The following KCND2 variants were observed in gnomAD, a reference collection of about 807,000 sequenced individuals.
KCND2 encodes potassium voltage-gated channel subfamily D member 2.
In KCND2, 16 loss-of-function variants were observed where a neutral mutation model predicts 54.4. The observed-to-expected ratio is 0.29, with a 90% CI of 0.20 to 0.45. The LOEUF is 0.45. Ranked by LOEUF, KCND2 falls within the 20% of genes least tolerant of loss-of-function variation. The pLI, the probability that KCND2 is intolerant of heterozygous loss-of-function variation, is 1.00. For synonymous variants in KCND2, 317 were observed against 310.7 expected, an observed-to-expected ratio of 1.02 and a Z score of -0.21; for missense variants, 486 against 824.2, an observed-to-expected ratio of 0.59 and a Z score of 5.02.
At chr7:120,451,814 C>G (rs572810942) in intron 1 of KCND2, among the ~76,000 whole-genome samples, 42 of 152,296 alleles carry the variant, frequency 2.8e-4, no homozygotes, top group Middle Eastern at 6.8e-3. Context: ...TCTTGATGTG[C>G]TATGCTCCAG....
intron 1 of KCND2, among the ~76,000 whole-genome samples, chr7:120,684,033 A>G (rs1372370718): frequency 6.6e-6 from 1 of 152,170 alleles, no homozygotes; most frequent in Non-Finnish European, 1.5e-5. Flanking sequence ...AATAGGGACC[A>G]TCTCCAAATA....
intron 1 of KCND2, among the ~76,000 whole-genome samples, chr7:120,588,427 G>GTGTC (rs1178190745): frequency 6.6e-6 from 1 of 151,658 alleles, no homozygotes; most frequent in Non-Finnish European, 1.5e-5. Context: ...GTGTGTGTGT[G>GTGTC]TGTGTGTGTG....
At chr7:120,677,534 T>C (rs1792079118) in intron 1 of KCND2, among the ~76,000 whole-genome samples, 1 of 138,766 alleles carries the variant, frequency 7.2e-6, no homozygotes, top group Admixed American at 7.1e-5. Context: ...TATATAGATA[T>C]AGATATAGAT....
At chr7:120,716,539 G>C (rs369740895) in intron 1 of KCND2, among the ~76,000 whole-genome samples, 2 of 152,058 alleles carry the variant, frequency 1.3e-5, no homozygotes. Context: ...ATAATGGCTG[G>C]CTCCTTTCAC....
chr7:120,361,546 G>A (rs183221707), intron 1 of KCND2, among the ~76,000 whole-genome samples: 22 of 152,146 alleles, frequency 1.4e-4, no homozygotes, highest in African/African-American at 4.6e-4. Flanking sequence ...TGAGGATGGA[G>A]AGTTGGGATT....
intron 1 of KCND2, among the ~76,000 whole-genome samples, chr7:120,319,948 A>G (rs1799870276): frequency 6.6e-6 from 1 of 152,046 alleles, no homozygotes; most frequent in Non-Finnish European, 1.5e-5. Flanking sequence ...TTAGCATTGA[A>G]TGGTAGAGAA....
At chr7:120,552,387 T>G (rs1045148545) in intron 1 of KCND2, among the ~76,000 whole-genome samples, 16 of 152,330 alleles carry the variant, frequency 1.1e-4, no homozygotes, top group African/African-American at 3.8e-4. Flanking sequence ...CTTTCTACCT[T>G]TCTAGTTTCT....
intron 1 of KCND2, among the ~76,000 whole-genome samples, chr7:120,547,617 C>A (rs944611020): frequency 4.6e-5 from 7 of 152,068 alleles, no homozygotes; most frequent in Non-Finnish European, 8.8e-5. Flanking sequence ...CACAGTCAGC[C>A]TGAGGATGTG....
intron 1 of KCND2, among the ~76,000 whole-genome samples, chr7:120,494,289 C>T (rs1293158267): frequency 6.6e-6 from 1 of 151,942 alleles, no homozygotes; most frequent in African/African-American, 2.4e-5. Flanking sequence ...TATCATGATG[C>T]CTTACACTTT....
intron 1 of KCND2, among the ~76,000 whole-genome samples, chr7:120,730,420 A>T (rs1410192114): frequency 6.6e-6 from 1 of 152,198 alleles, no homozygotes; most frequent in Non-Finnish European, 1.5e-5. Context: ...TCCCACTGAC[A>T]TACCTCTACA....
At chr7:120,618,485 G>A (rs981116041) in intron 1 of KCND2, among the ~76,000 whole-genome samples, 3 of 151,974 alleles carry the variant, frequency 2.0e-5, no homozygotes, top group Non-Finnish European at 2.9e-5. Flanking sequence ...TAACTTTACG[G>A]TGCCTCTTTA....
chr7:120,436,329 A>G (rs1010004567), intron 1 of KCND2, among the ~76,000 whole-genome samples: 4 of 152,220 alleles, frequency 2.6e-5, no homozygotes, highest in Non-Finnish European at 5.9e-5. Flanking sequence ...CAATGACAAT[A>G]TAATAGTTTA....
chr7:120,482,782 C>T lies in KCND2; in HGVS notation c.1115+207035C>T, dbSNP rs558628807. Among the ~76,000 whole-genome samples, 7 of 152,236 alleles carry T rather than the reference C, an allele frequency of 4.6e-5. No individual in the cohort carries two copies. In the East Asian group the frequency reaches 1.2e-3, roughly 25 times the overall value. ...GTTTGTACTTTGTAAATTACCTAGT[C>T]TGTGGCATTCTGTTATAGCAGCAAA... On this transcript the variant is annotated intron_variant, in intron 1 of 5. Transcript: ENST00000331113.
At chr7:120,646,182 C>T (rs965063263) in intron 1 of KCND2, among the ~76,000 whole-genome samples, 5 of 152,150 alleles carry the variant, frequency 3.3e-5, no homozygotes, top group South Asian at 2.1e-4. Context: ...ACCCATTTAA[C>T]GCAGCCCAAT....
At chr7:120,611,909 C>T (rs1199056026) in intron 1 of KCND2, among the ~76,000 whole-genome samples, 1 of 152,170 alleles carries the variant, frequency 6.6e-6, no homozygotes, top group African/African-American at 2.4e-5. Context: ...TGTTTAGACT[C>T]CACGGGTAGT....
chr7:120,396,344 G>T (rs953464881), intron 1 of KCND2, among the ~76,000 whole-genome samples: 10 of 151,968 alleles, frequency 6.6e-5, no homozygotes, highest in African/African-American at 2.4e-4. Context: ...AGAGTTTCCT[G>T]ATTTACATCC....
In KCND2 at chr7:120,747,978, A is replaced by T. The variant is rs1793027226; in HGVS notation, c.*120A>T. 3.7e-6 allele frequency: 3 copies of T among 819,068 alleles called. No homozygotes were observed. The African/African-American group carries it at 5.2e-5, about 14-fold the overall frequency. 50.7% of individuals were successfully genotyped at this position (819,068 alleles called of 1,614,324 possible). On this transcript the variant is annotated 3_prime_UTR_variant, in exon 6 of 6. Coordinates refer to ENST00000331113, the MANE Select transcript of KCND2 (RefSeq NM_012281.3). ...AATGCAGCAAAGAAAGAAGGTTGGTAGTGAAACACAAAGCTTCCAATCTTA... is the reference window on the plus strand; with the variant it reads ...AATGCAGCAAAGAAAGAAGGTTGGTTGTGAAACACAAAGCTTCCAATCTTA...
chr7:120,396,900 T>C (rs1425861771), intron 1 of KCND2, among the ~76,000 whole-genome samples: 1 of 152,106 alleles, frequency 6.6e-6, no homozygotes, highest in Admixed American at 6.6e-5. Flanking sequence ...ATGACTTTAC[T>C]GTCTTATTTT....
intron 1 of KCND2, among the ~76,000 whole-genome samples, chr7:120,418,138 T>C (rs1401166911): frequency 6.6e-6 from 1 of 152,186 alleles, no homozygotes; most frequent in African/African-American, 2.4e-5. Context: ...TATTAATCTC[T>C]CCATTTCATT....
Sources: gnomAD v4.1 joint callset for allele counts (sites outside exome capture counted in the v4.1 genomes callset) on GRCh38, gnomAD v4.1.1 for gene constraint, MANE v1.5 for transcripts, NCBI Gene and HGNC (gene_info 2026-07-23, HGNC 2026-07-21) for gene names.